SKAP1: variants seen among roughly 807,000 people sequenced by gnomAD.
SKAP1 encodes src kinase associated phosphoprotein 1, also known as src kinase-associated phosphoprotein 1.
Under a neutral mutation model 58.5 loss-of-function variants are expected in SKAP1, and 44 were observed. The observed-to-expected ratio is 0.75, with a 90% CI of 0.59 to 0.97. SKAP1 has a LOEUF of 0.97. Ranked by LOEUF, SKAP1 falls within the 50% of genes least tolerant of loss-of-function variation. The pLI is 0.00. For synonymous variants in SKAP1, 127 were observed against 149.7 expected, an observed-to-expected ratio of 0.85 and a Z score of 1.11; for missense variants, 390 against 435.2, an observed-to-expected ratio of 0.90 and a Z score of 0.92.
chr17:48,214,334 G>C (rs962374031), intron 4 of SKAP1, among the ~76,000 whole-genome samples: 4 of 152,188 alleles, frequency 2.6e-5, no homozygotes, highest in African/African-American at 9.6e-5. Flanking sequence ...ATATTCACTA[G>C]AAAATACCAC....
intron 2 of SKAP1, among the ~76,000 whole-genome samples, chr17:48,379,931 C>G (rs533156642): frequency 6.6e-6 from 1 of 152,320 alleles, no homozygotes; most frequent in South Asian, 2.1e-4. Flanking sequence ...ATCCGCCCGC[C>G]TTGGCCTCCC....
At chr17:48,172,390 G>A (rs1385542282) in intron 9 of SKAP1, among the ~76,000 whole-genome samples, 1 of 152,002 alleles carries the variant, frequency 6.6e-6, no homozygotes, top group African/African-American at 2.4e-5. Context: ...CCCATTAACC[G>A]GTTTCATCTC....
upstream of SKAP1, among the ~76,000 whole-genome samples, chr17:48,435,228 CTTT>C (rs1002810051): frequency 6.9e-6 from 1 of 145,214 alleles, no homozygotes; most frequent in Non-Finnish European, 1.5e-5. Flanking sequence ...GTTCCCAATC[CTTT>C]TTTTTTTTTA....
chr17:48,219,520 A>C (rs2064977382), intron 4 of SKAP1, among the ~76,000 whole-genome samples: 1 of 152,224 alleles, frequency 6.6e-6, no homozygotes, highest in African/African-American at 2.4e-5. Flanking sequence ...AGTCTCTCTG[A>C]ATACATATTA....
chr17:48,263,952 A>T (rs1469194526), intron 4 of SKAP1, among the ~76,000 whole-genome samples: 1 of 152,154 alleles, frequency 6.6e-6, no homozygotes, highest in Non-Finnish European at 1.5e-5. Context: ...AGGGAGAGAC[A>T]GAGACGTACA....
intron 4 of SKAP1, among the ~76,000 whole-genome samples, chr17:48,220,852 C>CAAAAAAAAAAAAAAAAA (rs56006389): frequency 1.1e-4 from 9 of 83,658 alleles, no homozygotes; most frequent in South Asian, 3.8e-4. Flanking sequence ...GACTCCATCT[C>CAAAAAAAAAAAAAAAAA]AAAAAAAAAA....
At chr17:48,396,910 T>A in intron 1 of SKAP1, 125 bp from the exon 2 acceptor site, 5 of 543,326 alleles carry the variant, frequency 9.2e-6, no homozygotes, top group Non-Finnish European at 1.5e-5. Flanking sequence ...ACATGTACCC[T>A]AAAACTTAAA....
At chr17:48,239,846 G>C (rs865806514) in intron 4 of SKAP1, among the ~76,000 whole-genome samples, 2 of 62,778 alleles carry the variant, frequency 3.2e-5, no homozygotes, top group South Asian at 7.8e-4. Flanking sequence ...GAGAGAGAGA[G>C]AGACAGAGAG....
At chr17:48,349,107 T>C (rs931978965) in intron 3 of SKAP1, among the ~76,000 whole-genome samples, 5 of 152,238 alleles carry the variant, frequency 3.3e-5, no homozygotes, top group African/African-American at 1.2e-4. Context: ...TACACTCCCA[T>C]GTAATTGAAA....
chr17:48,388,772 T>C (rs2067309637), intron 2 of SKAP1, among the ~76,000 whole-genome samples: 1 of 152,246 alleles, frequency 6.6e-6, no homozygotes, highest in Non-Finnish European at 1.5e-5. Context: ...AATTCTAAAT[T>C]CTAAATCCTA....
chr17:48,317,307 A>C (rs2066302267), intron 4 of SKAP1, among the ~76,000 whole-genome samples: 1 of 152,250 alleles, frequency 6.6e-6, no homozygotes, highest in Non-Finnish European at 1.5e-5. Flanking sequence ...GACTAAACTT[A>C]AATGATGATC....
At chr17:48,226,725 AT>A (rs992328568) in intron 4 of SKAP1, among the ~76,000 whole-genome samples, 4 of 151,782 alleles carry the variant, frequency 2.6e-5, no homozygotes, top group East Asian at 1.9e-4. Flanking sequence ...AATCTTGCCT[AT>A]TTTTTTTGAA....
intron 1 of SKAP1, among the ~76,000 whole-genome samples, chr17:48,405,874 T>C (rs1245495406): frequency 1.3e-5 from 2 of 152,032 alleles, no homozygotes; most frequent in Non-Finnish European, 2.9e-5. Flanking sequence ...AGACAGAGAA[T>C]GGCTACTACG....
intron 4 of SKAP1, among the ~76,000 whole-genome samples, chr17:48,322,428 G>A (rs1199486431): frequency 6.6e-6 from 1 of 152,160 alleles, no homozygotes; most frequent in Non-Finnish European, 1.5e-5. Flanking sequence ...TACAATAAAG[G>A]GAAGTTCATT....
intron 4 of SKAP1, among the ~76,000 whole-genome samples, chr17:48,226,236 C>G (rs1461582926): frequency 6.6e-6 from 1 of 152,068 alleles, no homozygotes; most frequent in Non-Finnish European, 1.5e-5. Flanking sequence ...ATAATTTATT[C>G]TATTTTATTG....
At chr17:48,268,132 C>T (rs1233118455) in intron 4 of SKAP1, among the ~76,000 whole-genome samples, 1 of 152,016 alleles carries the variant, frequency 6.6e-6, no homozygotes, top group African/African-American at 2.4e-5. Flanking sequence ...CTTGAAGAGG[C>T]CTCATGCAAT....
At chr17:48,283,203 G>A (rs1190310070) in intron 4 of SKAP1, among the ~76,000 whole-genome samples, 2 of 152,166 alleles carry the variant, frequency 1.3e-5, no homozygotes, top group African/African-American at 4.8e-5. Flanking sequence ...CAGCATAACT[G>A]ATGAGAGAAT....
intron 9 of SKAP1, among the ~76,000 whole-genome samples, chr17:48,174,723 C>T (rs1235879916): frequency 3.9e-5 from 6 of 152,112 alleles, no homozygotes; most frequent in Non-Finnish European, 7.4e-5. Context: ...AGCATTATGT[C>T]TACTGAAATA....
chr17:48,256,132 C>T (rs1482662771), intron 4 of SKAP1, among the ~76,000 whole-genome samples: 1 of 151,992 alleles, frequency 6.6e-6, no homozygotes, highest in South Asian at 2.1e-4. Flanking sequence ...CACTTTCTCA[C>T]TGGCTTCTCT....
Sources: gnomAD v4.1 joint callset for allele counts (sites outside exome capture counted in the v4.1 genomes callset) on GRCh38, gnomAD v4.1.1 for gene constraint, MANE v1.5 for transcripts, NCBI Gene and HGNC (gene_info 2026-07-23, HGNC 2026-07-21) for gene names.